VPS13C: variants seen among roughly 807,000 people sequenced by gnomAD.
VPS13C encodes vacuolar protein sorting 13 homolog C, also known as intermembrane lipid transfer protein VPS13C.
In VPS13C, 358 loss-of-function variants were observed where a neutral mutation model predicts 456.8. The observed-to-expected ratio is 0.78, with a 90% CI of 0.72 to 0.86. The LOEUF (loss-of-function observed/expected upper bound fraction) is 0.86. Ranked by LOEUF, VPS13C falls within the 40% of genes least tolerant of loss-of-function variation. The pLI is 0.00. For missense variants in VPS13C, 4,818 were observed against 4,385.4 expected, an observed-to-expected ratio of 1.10 and a Z score of -2.79; for synonymous variants, 1,578 against 1,486.7, an observed-to-expected ratio of 1.06 and a Z score of -1.41.
At chr15:62,001,850 A>G (rs568471246) in intron 15 of VPS13C, among the ~76,000 whole-genome samples, 5 of 152,334 alleles carry the variant, frequency 3.3e-5, no homozygotes, top group Admixed American at 3.3e-4. Context: ...ACATGAACTC[A>G]TCATTTTTTA....
chr15:61,940,368 G>T (rs1335729776), intron 47 of VPS13C, among the ~76,000 whole-genome samples: 2 of 152,144 alleles, frequency 1.3e-5, no homozygotes, highest in East Asian at 3.8e-4. Flanking sequence ...TAACTAAAAT[G>T]AAAACAAAGA....
At chr15:61,865,698 G>A (rs28407491) in intron 81 of VPS13C, 2 of 376,556 alleles carry the variant, frequency 5.3e-6, no homozygotes, top group Admixed American at 6.5e-5. Flanking sequence ...GTATATATAT[G>A]TGTGTATATG....
At chr15:61,936,800 A>G in intron 47 of VPS13C, 50 bp from the exon 48 acceptor site, 2 of 1,526,094 alleles carry the variant, frequency 1.3e-6, no homozygotes, top group Non-Finnish European at 8.8e-7. Context: ...AAAAATGTAG[A>G]CTATCATATC....
chr15:61,905,454 T>A (rs1157057501), intron 66 of VPS13C, among the ~76,000 whole-genome samples: 1 of 152,168 alleles, frequency 6.6e-6, no homozygotes, highest in African/African-American at 2.4e-5. Context: ...TTAATAGAAT[T>A]TAAACCATTT....
intron 14 of VPS13C, among the ~76,000 whole-genome samples, 172 bp downstream of exon 14, chr15:62,008,483 G>C (rs1197411930): frequency 2.4e-4 from 37 of 152,016 alleles, no homozygotes; most frequent in Non-Finnish European, 2.9e-5. Flanking sequence ...TACAAAAGAA[G>C]TGAAAGCTGT....
At chr15:61,860,208 T>G (rs1054156456) in intron 82 of VPS13C, among the ~76,000 whole-genome samples, 1 of 152,076 alleles carries the variant, frequency 6.6e-6, no homozygotes, top group African/African-American at 2.4e-5. Flanking sequence ...GTAGCAAATA[T>G]AAATAGATGA....
intron 45 of VPS13C, among the ~76,000 whole-genome samples, chr15:61,943,428 C>T (rs1475462266): frequency 6.6e-6 from 1 of 151,944 alleles, no homozygotes; most frequent in Admixed American, 6.6e-5. Flanking sequence ...ACAAACAGAC[C>T]AAGGGAACAG....
At chr15:62,026,827 A>C (rs1161084685) in intron 6 of VPS13C, among the ~76,000 whole-genome samples, 2 of 152,084 alleles carry the variant, frequency 1.3e-5, no homozygotes, top group East Asian at 3.9e-4. Flanking sequence ...TCTTAAGTAA[A>C]AACTGGCAAT....
chr15:61,990,272 G>A (rs546536528), intron 18 of VPS13C, among the ~76,000 whole-genome samples: 23 of 152,104 alleles, frequency 1.5e-4, no homozygotes, highest in Non-Finnish European at 2.9e-4. Flanking sequence ...AAGCAATGAT[G>A]GGGGATCTAG....
intron 13 of VPS13C, 114 bp from the exon 14 acceptor site, chr15:62,008,875 T>C (rs953871924): frequency 8.2e-6 from 4 of 488,648 alleles, no homozygotes; most frequent in South Asian, 6.4e-5. Flanking sequence ...CAATGTTGCC[T>C]GGTAGTCCAA....
chr15:61,880,708 T>C lies in VPS13C; in HGVS notation c.9903A>G (p.Gln3301=), dbSNP rs12901055. 112,338 of 1,578,522 alleles carry C rather than the reference T, an allele frequency of 0.071. 4,352 individuals are homozygous for C. Among genetic ancestry groups the C allele is most frequent in the Middle Eastern group, 0.08 (471 of 5,916 alleles). ...EAERRRTKLI[Q]QDIDALNAEL... ...CTGCATTTAGAGCATCAATATCTTG[T>C]TGGATTAACTTTGTCTGAAAAAAAT... The change falls in exon 73 of 85, where the codon CAA becomes CAG. Residue 3301 remains glutamine, a synonymous_variant. Transcript: ENST00000644861.
chr15:62,051,046 A>C (rs1031816881), intron 1 of VPS13C, among the ~76,000 whole-genome samples: 1 of 152,224 alleles, frequency 6.6e-6, no homozygotes, highest in Non-Finnish European at 1.5e-5. Flanking sequence ...CCTAAGTCCA[A>C]GAATGGCTTT....
In VPS13C at chr15:61,920,220, G is replaced by C. The variant is rs749729823; in HGVS notation, c.7324C>G (p.Leu2442Val). ...VPIKVKPNCN[L>V]RVMGFPEKSD... The stretch of plus-strand genomic sequence containing the variant: ...TTCTCAGGGAAGCCCATTACTCTGA[G>C]ATTACAATTGGGCTTCACCTTAATG... The change falls in exon 57 of 85, where the codon CTC becomes GTC. Residue 2442 changes from leucine (L) to valine (V), a missense_variant. This residue lies in a region of VPS13C where 4,552 missense variants were observed against 4,130.6 expected (regional missense o/e 1.10). Coordinates refer to ENST00000644861, the MANE Select transcript of VPS13C (RefSeq NM_020821.3). 6.2e-7 allele frequency: 1 copy of C among 1,613,628 alleles called. No homozygotes were observed. The highest frequency in any genetic ancestry group is 8.5e-7 in the Non-Finnish European group (1 of 1,179,680).
intron 66 of VPS13C, among the ~76,000 whole-genome samples, chr15:61,901,803 A>C (rs1207433041): frequency 6.6e-6 from 1 of 152,162 alleles, no homozygotes; most frequent in Non-Finnish European, 1.5e-5. Flanking sequence ...CTATAAAGAC[A>C]CATGCACACA....
Position 61,890,080 on chromosome 15 carries a change from G to A in VPS13C, c.9341+85C>T, listed in dbSNP as rs2042604042. ...ATACAGCATACCAAAGTCAAACCAG[G>A]TATCTTTTTACTTTCTTCAAATCGG... On this transcript the variant is annotated intron_variant, in intron 67 of 84. Coordinates refer to ENST00000644861, the MANE Select transcript of VPS13C (RefSeq NM_020821.3). 6.3e-6 allele frequency: 8 copies of A among 1,264,932 alleles called. No individual in the cohort carries two copies. The South Asian group carries it at 8.2e-5, about 13-fold the overall frequency. 78.4% of individuals were successfully genotyped at this position (1,264,932 alleles called of 1,614,324 possible). A position where few individuals can be genotyped will look rare whatever the true frequency, so the allele number is the denominator to read the frequency against.
chr15:62,005,772 G>A (rs1432948474), intron 15 of VPS13C, among the ~76,000 whole-genome samples: 3 of 151,542 alleles, frequency 2.0e-5, no homozygotes, highest in Non-Finnish European at 2.9e-5. Context: ...GCAGGATCTG[G>A]GCTCACTGCA....
chr15:61,880,561 G>T (rs1453005211), intron 73 of VPS13C, 48 bp downstream of exon 73: 1 of 1,333,772 alleles, frequency 7.5e-7, no homozygotes, highest in East Asian at 2.4e-5. Flanking sequence ...CCTTTAAAAA[G>T]TTCTACAATA....
Position 62,013,936 on chromosome 15 carries a change from G to T in VPS13C, c.741C>A (p.Tyr247Ter). 6.2e-7 allele frequency: 1 copy of T among 1,604,818 alleles called. No individual in the cohort carries two copies. Among genetic ancestry groups the T allele is most frequent in the East Asian group, 2.2e-5 (1 of 44,726 alleles). ...AATTTTTATTCCAACATAATACCTT[G>T]TATATAATTTTGTCTGCTTCATTTA... ...CILNEADKIIYKLIRLDSLSA... is the reference protein window; with the variant it reads ...CILNEADKII Residue 247 changes from tyrosine to a stop codon, truncating the protein, a stop_gained, in exon 10 of 85, where the codon TAC becomes TAA. Coordinates refer to ENST00000644861, the MANE Select transcript of VPS13C (RefSeq NM_020821.3). LOFTEE classifies it high-confidence loss of function.
At chr15:62,010,188 T>C (rs1020015396) in intron 13 of VPS13C, among the ~76,000 whole-genome samples, 7 of 146,632 alleles carry the variant, frequency 4.8e-5, no homozygotes, top group African/African-American at 1.8e-4. Flanking sequence ...AGACTCCATC[T>C]CAAAAAAAAA....
Sources: allele counts gnomAD v4.1 joint callset (sites outside exome capture counted in the v4.1 genomes callset), GRCh38; gene constraint gnomAD v4.1.1; regional missense constraint gnomAD v4.1.1; transcripts MANE v1.5; gene names NCBI Gene and HGNC (gene_info 2026-07-23, HGNC 2026-07-21).